Variants in ZDHHC15 observed in about 807,000 individuals in gnomAD.
ZDHHC15 encodes the protein palmitoyltransferase ZDHHC15.
ZDHHC15 carries 19 observed loss-of-function variants against 31.7 expected under a neutral mutation model. That is an observed-to-expected ratio of 0.60 (90% confidence interval 0.42 to 0.88). The LOEUF (loss-of-function observed/expected upper bound fraction) is 0.88. ZDHHC15 is among the 40% of genes least tolerant of loss of function. The pLI is 0.00. For missense variants in ZDHHC15, 209 were observed against 251.2 expected (o/e 0.83, Z 1.14); for synonymous variants, 103 against 90.0 (o/e 1.14, Z -0.82).
intron 4 of ZDHHC15, among the ~76,000 whole-genome samples, chrX:75,440,250 C>A (rs2083919677): frequency 1.0e-5 from 1 of 99,542 alleles, no homozygotes; most frequent in African/African-American, 3.5e-5. Context: ...TTTCTTGGAG[C>A]AGGGTTGTTC....
At chrX:75,499,586 T>G (rs2085059426) in intron 2 of ZDHHC15, among the ~76,000 whole-genome samples, 1 of 111,570 alleles carries the variant, frequency 9.0e-6, no homozygotes, top group East Asian at 2.8e-4. Flanking sequence ...TACCACCTTA[T>G]TCCTGCAAGA....
At chrX:75,470,640 A>G in intron 3 of ZDHHC15, among the ~76,000 whole-genome samples, 1 of 111,344 alleles carries the variant, frequency 9.0e-6, no homozygotes, top group Non-Finnish European at 1.9e-5. Flanking sequence ...CAGTTAAAGT[A>G]GGTGCTTATG....
intron 3 of ZDHHC15, among the ~76,000 whole-genome samples, chrX:75,468,723 A>C (rs1411296173): frequency 9.0e-6 from 1 of 111,600 alleles, no homozygotes; most frequent in Middle Eastern, 4.2e-3. Flanking sequence ...ATCCTCTCCA[A>C]GAGTTATTAT....
intron 11 of ZDHHC15, among the ~76,000 whole-genome samples, chrX:75,374,687 G>GTGTGTGTATATA (rs745526466): frequency 1.1e-5 from 1 of 91,682 alleles, no homozygotes; most frequent in Admixed American, 1.3e-4. Flanking sequence ...GTGTGTGTGT[G>GTGTGTGTATATA]TATATATATA....
chrX:75,471,593 C>T (rs2084504153), intron 3 of ZDHHC15, among the ~76,000 whole-genome samples: 1 of 111,968 alleles, frequency 8.9e-6, no homozygotes, highest in African/African-American at 3.3e-5. Context: ...GCCTAGTGGG[C>T]CTATTTGGAT....
rs767656389 is a variant in ZDHHC15, at chrX:75,413,060, T to C, written c.967+4027A>G. Among the ~76,000 whole-genome samples, 8 of 111,982 alleles carry C rather than the reference T, an allele frequency of 7.1e-5. No individual in the cohort carries two copies. In the South Asian group the frequency reaches 3.0e-3, roughly 42 times the overall value. ...TTCTAAGAGCATAGATTATAAGTAC[T>C]CTTATCCCACAAAAAAAGGTAACTA... On this transcript the variant is annotated intron_variant, in intron 10 of 11. Transcript: ENST00000373367.
intron 10 of ZDHHC15, among the ~76,000 whole-genome samples, chrX:75,390,387 G>T (rs1473148456): frequency 9.0e-6 from 1 of 111,650 alleles, no homozygotes; most frequent in South Asian, 3.8e-4. Flanking sequence ...AGTTATGATG[G>T]GTCTTGGGTG....
chrX:75,488,521 C>T (rs774154905), intron 2 of ZDHHC15, among the ~76,000 whole-genome samples: 1 of 112,408 alleles, frequency 8.9e-6, no homozygotes, highest in Non-Finnish European at 1.9e-5. Context: ...TTAAAAGGAG[C>T]TCTATATCTT....
intron 10 of ZDHHC15, among the ~76,000 whole-genome samples, chrX:75,405,452 A>G (rs1487114694): frequency 8.9e-5 from 10 of 111,785 alleles, no homozygotes; most frequent in Non-Finnish European, 1.9e-4. Flanking sequence ...ATAAAGACAC[A>G]CATAAGTACA....
At chrX:75,469,989 G>A (rs1033128294) in intron 3 of ZDHHC15, among the ~76,000 whole-genome samples, 1 of 111,438 alleles carries the variant, frequency 9.0e-6, no homozygotes, top group Non-Finnish European at 1.9e-5. Flanking sequence ...AATGATTAAC[G>A]ATATTCAGCA....
Position 75,478,992 on chromosome X carries a change from TA to T in ZDHHC15, c.164-8del, listed in dbSNP as rs199537523. 2.2e-3 allele frequency: 2,298 copies of T among 1,039,865 alleles called. 5 individuals are homozygous for T. Among genetic ancestry groups the T allele is most frequent in the Admixed American group, 3.0e-3 (104 of 35,177 alleles). The allele number at this position is 1,039,865 out of a possible 1,213,427, so 85.7% of individuals were successfully genotyped here. On this transcript the variant is annotated splice_region_variant and splice_polypyrimidine_tract_variant and intron_variant, in intron 2 of 11. Transcript: ENST00000373367. ...TAGAGTATGAGGTAAATAACTGAAATAAAAAAAAAATCAGTGTTTATACTAT... is the reference window on the plus strand; with the variant it reads ...TAGAGTATGAGGTAAATAACTGAAATAAAAAAAAATCAGTGTTTATACTAT...
chrX:75,480,668 G>A (rs753747257), intron 2 of ZDHHC15, among the ~76,000 whole-genome samples: 15 of 110,667 alleles, frequency 1.4e-4, no homozygotes, highest in African/African-American at 2.9e-4. Flanking sequence ...GGCAGTATTC[G>A]ATACACACTG....
chrX:75,506,778 A>G (rs753206254), intron 1 of ZDHHC15, among the ~76,000 whole-genome samples: 12 of 112,425 alleles, frequency 1.1e-4, no homozygotes, highest in Non-Finnish European at 1.7e-4. Flanking sequence ...GACTAGTAAC[A>G]TTTCTTTTTT....
chrX:75,507,903 C>T (rs900145107), intron 1 of ZDHHC15, among the ~76,000 whole-genome samples: 19 of 110,841 alleles, frequency 1.7e-4, no homozygotes, highest in Admixed American at 3.9e-4. Context: ...TAAATAGATG[C>T]ATATTGTAGG....
At chrX:75,485,159 T>C (rs1487157424) in intron 2 of ZDHHC15, among the ~76,000 whole-genome samples, 1 of 111,289 alleles carries the variant, frequency 9.0e-6, no homozygotes, top group Non-Finnish European at 1.9e-5. Context: ...TTTACTACTG[T>C]CAAAACTTAT....
chrX:75,393,354 T>C (rs1188141900), intron 10 of ZDHHC15, among the ~76,000 whole-genome samples: 1 of 111,386 alleles, frequency 9.0e-6, no homozygotes, highest in Non-Finnish European at 1.9e-5. Flanking sequence ...AGTATCTGCT[T>C]CTGAAGCCAG....
intron 2 of ZDHHC15, among the ~76,000 whole-genome samples, chrX:75,494,944 C>A (rs893868336): frequency 6.3e-5 from 7 of 111,710 alleles, no homozygotes; most frequent in East Asian, 2.8e-4. Context: ...GGATCTAATT[C>A]AACTAAAGAT....
chrX:75,393,830 GCT>G (rs2083271209), intron 10 of ZDHHC15, among the ~76,000 whole-genome samples: 1 of 111,788 alleles, frequency 8.9e-6, no homozygotes, highest in Non-Finnish European at 1.9e-5. Context: ...CTGTCTGCAG[GCT>G]GAGGAGCAAG....
chrX:75,455,587 A>G (rs1471851599), intron 3 of ZDHHC15, among the ~76,000 whole-genome samples: 1 of 111,887 alleles, frequency 8.9e-6, no homozygotes, highest in Non-Finnish European at 1.9e-5. Flanking sequence ...GGCAACCTAC[A>G]GAATGGGAGA....
Sources: allele counts gnomAD v4.1 joint callset (sites outside exome capture counted in the v4.1 genomes callset), GRCh38; gene constraint gnomAD v4.1.1; transcripts MANE v1.5; gene names NCBI Gene and HGNC (gene_info 2026-07-23, HGNC 2026-07-21).